Variants in ADAMTS20 observed in about 807,000 individuals in gnomAD.
ADAMTS20 encodes the protein A disintegrin and metalloproteinase with thrombospondin motifs 20.
A neutral mutation model predicts 260.1 loss-of-function variants in ADAMTS20; 225 were observed. The observed-to-expected ratio is 0.87, with a 90% CI of 0.78 to 0.97. The LOEUF (loss-of-function observed/expected upper bound fraction) is 0.97. ADAMTS20 is among the 50% of genes least tolerant of loss of function. The pLI, the probability that ADAMTS20 is intolerant of heterozygous loss-of-function variation, is 0.00. For missense variants in ADAMTS20, 2,400 were observed against 2,337.7 expected, an observed-to-expected ratio of 1.03 and a Z score of -0.55; for synonymous variants, 802 against 769.5, an observed-to-expected ratio of 1.04 and a Z score of -0.70.
At chr12:43,420,390 A>G (rs1285426371) in intron 28 of ADAMTS20, among the ~76,000 whole-genome samples, 3 of 152,246 alleles carry the variant, frequency 2.0e-5, no homozygotes, top group Non-Finnish European at 4.4e-5. Context: ...ATGGAAAAAT[A>G]CTAGTTAAAT....
chr12:43,522,953 T>C (rs540423590), intron 3 of ADAMTS20, among the ~76,000 whole-genome samples: 7 of 152,336 alleles, frequency 4.6e-5, no homozygotes, highest in African/African-American at 1.4e-4. Context: ...TTTAGGGTCA[T>C]AATGAATTAA....
At chr12:43,400,586 T>C (rs1184196596) in intron 28 of ADAMTS20, among the ~76,000 whole-genome samples, 2 of 151,942 alleles carry the variant, frequency 1.3e-5, no homozygotes, top group Non-Finnish European at 2.9e-5. Context: ...TAAGATACAT[T>C]CTTTCCTTCT....
At position 43,411,362 on chromosome 12, in the gene ADAMTS20, G is replaced by A. The variant is rs956180978; in HGVS notation, c.4285-12129C>T. Reference sequence around the variant, plus strand: ...TTCAAAAAGCATCTGTTGTTTGTTTGTTTGTTTGTTTGTTTGTTTTTTCAG... The same window carrying A: ...TTCAAAAAGCATCTGTTGTTTGTTTATTTGTTTGTTTGTTTGTTTTTTCAG... On this transcript the variant is annotated intron_variant, in intron 28 of 38. Transcript: ENST00000389420. 4.0e-5 allele frequency among the ~76,000 whole-genome samples: 6 copies of A among 151,886 alleles called. No homozygotes were observed. In the East Asian group the frequency reaches 5.8e-4, roughly 15 times the overall value.
intron 22 of ADAMTS20, 105 bp from the exon 23 acceptor site, chr12:43,430,576 T>C: frequency 9.3e-7 from 1 of 1,075,132 alleles, no homozygotes. Flanking sequence ...TTAATAATCT[T>C]TTTATCAATC....
At chr12:43,368,442 C>A (rs1340655395) in intron 37 of ADAMTS20, among the ~76,000 whole-genome samples, 1 of 152,020 alleles carries the variant, frequency 6.6e-6, no homozygotes, top group Admixed American at 6.6e-5. Flanking sequence ...GTCTCTTGAT[C>A]TCCTTTAAGT....
chr12:43,468,751 C>A, intron 7 of ADAMTS20, 46 bp from the exon 8 acceptor site: 3 of 1,111,872 alleles, frequency 2.7e-6, no homozygotes, highest in South Asian at 1.4e-5. Flanking sequence ...AAAACACTAC[C>A]AAAATCATAA....
chr12:43,379,407 G>C (rs969384553), intron 31 of ADAMTS20, among the ~76,000 whole-genome samples: 3 of 152,090 alleles, frequency 2.0e-5, no homozygotes, highest in African/African-American at 7.2e-5. Context: ...GCATCAGATT[G>C]TACACATGTC....
intron 7 of ADAMTS20, among the ~76,000 whole-genome samples, chr12:43,479,174 C>A (rs1283174338): frequency 6.6e-6 from 1 of 152,158 alleles, no homozygotes; most frequent in East Asian, 1.9e-4. Flanking sequence ...AGAGTCACTA[C>A]ACAGTTGTAA....
At chr12:43,425,031 A>G (rs1941304337) in intron 28 of ADAMTS20, among the ~76,000 whole-genome samples, 2 of 152,210 alleles carry the variant, frequency 1.3e-5, no homozygotes, top group South Asian at 2.1e-4. Flanking sequence ...ACAAAAAAGA[A>G]TAAGAATATT....
chr12:43,388,235 G>A (rs918551097), intron 29 of ADAMTS20, among the ~76,000 whole-genome samples: 4 of 152,132 alleles, frequency 2.6e-5, no homozygotes, highest in East Asian at 1.9e-4. Flanking sequence ...AGATAGGACC[G>A]TCCCTCAAGG....
At chr12:43,502,518 T>G (rs976440229) in intron 3 of ADAMTS20, 113 bp from the exon 4 acceptor site, 1 of 964,226 alleles carries the variant, frequency 1.0e-6, no homozygotes, top group African/African-American at 1.7e-5. Flanking sequence ...GTTCCCAACA[T>G]GAAAATAAAA....
At chr12:43,428,178 C>T (rs1193206293) in intron 26 of ADAMTS20, 63 bp downstream of exon 26, 1 of 1,500,580 alleles carries the variant, frequency 6.7e-7, no homozygotes, top group Non-Finnish European at 9.1e-7. Context: ...ATATACATAC[C>T]TGTTAAAAGG....
chr12:43,517,723 A>T (rs1158707851), intron 3 of ADAMTS20, among the ~76,000 whole-genome samples: 2 of 152,096 alleles, frequency 1.3e-5, no homozygotes, highest in Non-Finnish European at 2.9e-5. Context: ...AAGAATGGCT[A>T]AGAAAATCTT....
chr12:43,388,374 A>G (rs1940528911), intron 29 of ADAMTS20, among the ~76,000 whole-genome samples: 1 of 152,144 alleles, frequency 6.6e-6, no homozygotes, highest in African/African-American at 2.4e-5. Context: ...CTGTCTAACC[A>G]GTGAGATGAA....
At chr12:43,530,484 A>T (rs2137501017) in intron 3 of ADAMTS20, among the ~76,000 whole-genome samples, 1 of 152,326 alleles carries the variant, frequency 6.6e-6, no homozygotes, top group African/African-American at 2.4e-5. Context: ...ACACGGCCTT[A>T]GACACAGTGA....
chr12:43,483,640 A>T (rs1283384508), intron 7 of ADAMTS20, among the ~76,000 whole-genome samples: 1 of 152,130 alleles, frequency 6.6e-6, no homozygotes, highest in Non-Finnish European at 1.5e-5. Flanking sequence ...CTGAATAACC[A>T]GAACATTGGG....
intron 22 of ADAMTS20, 57 bp downstream of exon 22, chr12:43,431,275 T>A (rs955226501): frequency 3.3e-5 from 51 of 1,545,996 alleles, no homozygotes; most frequent in Admixed American, 9.9e-5. Flanking sequence ...ATAACACAAC[T>A]TTTGTGCTAT....
At chr12:43,376,801 G>T in intron 32 of ADAMTS20, 148 bp from the exon 33 acceptor site, 1 of 866,870 alleles carries the variant, frequency 1.2e-6, no homozygotes, top group Non-Finnish European at 1.7e-6. Context: ...ACTATGCTGG[G>T]GGCTGGATAG....
intron 2 of ADAMTS20, among the ~76,000 whole-genome samples, chr12:43,536,896 A>G (rs1274016906): frequency 2.0e-5 from 3 of 152,186 alleles, no homozygotes; most frequent in African/African-American, 7.2e-5. Context: ...TGTTTCTGTG[A>G]AGACCCAATT....
Sources: allele counts gnomAD v4.1 joint callset (sites outside exome capture counted in the v4.1 genomes callset), GRCh38; gene constraint gnomAD v4.1.1; transcripts MANE v1.5; gene names NCBI Gene and HGNC (gene_info 2026-07-23, HGNC 2026-07-21).